The following CHRNA3 variants were observed in gnomAD, a reference collection of about 807,000 sequenced individuals.
CHRNA3 encodes neuronal acetylcholine receptor subunit alpha-3.
Under a neutral mutation model 41.9 loss-of-function variants are expected in CHRNA3, and 34 were observed. The observed-to-expected ratio is 0.81, with a 90% CI of 0.62 to 1.08. The LOEUF (loss-of-function observed/expected upper bound fraction) is 1.08, where lower values mean the gene tolerates loss of function less well. Among genes scored for constraint, CHRNA3 ranks in the 50% least tolerant of loss-of-function variants. The probability of loss-of-function intolerance (pLI) is 0.00; values close to 1 mark genes in which losing one functional copy is unlikely to be tolerated. For synonymous variants in CHRNA3, 281 were observed against 265.2 expected (o/e 1.06, Z -0.58); for missense variants, 542 against 638.3 (o/e 0.85, Z 1.63).
chr15:78,601,886 G>A lies in CHRNA3; in HGVS notation c.756C>T (p.Cys252=). The A allele has an allele frequency of 6.2e-7, 1 of 1,614,148 alleles. No homozygotes were observed. Among genetic ancestry groups the A allele is most frequent in the Non-Finnish European group, 8.5e-7 (1 of 1,180,032 alleles). ...GCACAGTGAGGAAGGAGATGAGCAG[G>A]CAGGGGATGATGAGGTTGATGGTGT... The part of the protein sequence containing the change: ...LFYTINLIIP[C]LLISFLTVLV... The change falls in exon 5 of 6, where the codon TGC becomes TGT. Residue 252 remains cysteine (C), a synonymous_variant. Coordinates refer to ENST00000326828, the MANE Select transcript of CHRNA3 (RefSeq NM_000743.5).
downstream of CHRNA3, chr15:78,594,221 T>A (rs1318770782): frequency 6.6e-6 from 1 of 152,180 alleles, no homozygotes; most frequent in Non-Finnish European, 1.5e-5. Flanking sequence ...AGTAGACAAC[T>A]CCTGTGGACA....
chr15:78,611,259 C>T (rs2053375352), intron 4 of CHRNA3, among the ~76,000 whole-genome samples: 1 of 152,136 alleles, frequency 6.6e-6, no homozygotes, highest in Non-Finnish European at 1.5e-5. Flanking sequence ...CTGGCAGAGA[C>T]ACAACCAAAA....
At chr15:78,600,234 C>T (rs1485138204) in intron 5 of CHRNA3, among the ~76,000 whole-genome samples, 1 of 152,076 alleles carries the variant, frequency 6.6e-6, no homozygotes, top group African/African-American at 2.4e-5. Context: ...GCCACCACGC[C>T]TGGCTAATTT....
chr15:78,601,526 GA>G lies in CHRNA3; in HGVS notation c.1115del (p.Leu372ProfsTer9), dbSNP rs1322278603. 6.8e-6 allele frequency: 11 copies of G among 1,614,088 alleles called. No individual in the cohort carries two copies. The highest frequency in any genetic ancestry group is 1.3e-5 in the African/African-American group (1 of 74,934). ...TCAGATTTGAGAGCTCGGCACCGTA[GA>G]GGGGCCTCGGCTTCTGAGCGTTGCC... ...NEGNAQKPRPLYGAELSNLNC... is the reference protein window; with the variant it reads ...NEGNAQKPRPXYGAELSNLNC... On this transcript the variant is annotated frameshift_variant, in exon 5 of 6. Transcript: ENST00000326828. LOFTEE classifies it high-confidence loss of function.
rs980008832 is a variant in CHRNA3, at chr15:78,596,137, C to G, written c.*467G>C. On this transcript the variant is annotated 3_prime_UTR_variant, in exon 6 of 6. Coordinates refer to ENST00000326828, the MANE Select transcript of CHRNA3 (RefSeq NM_000743.5). ...ATAGCCCTTTAGACCCAGTAAAGAA[C>G]GAGAAATGCATGGTAAGAAATGGGT... 2.0e-6 allele frequency: 2 copies of G among 985,552 alleles called. No individual in the cohort carries two copies. Among genetic ancestry groups the G allele is most frequent in the East Asian group, 1.1e-4 (1 of 8,800 alleles). The allele number at this position is 985,552 out of a possible 1,614,324, so 61.1% of individuals were successfully genotyped here.
intron 4 of CHRNA3, among the ~76,000 whole-genome samples, chr15:78,613,785 AC>A (rs71148546): frequency 0.15 from 21,958 of 147,708 alleles, 3,891 homozygotes; most frequent in African/African-American, 0.42. Context: ...ACCAAAAAAA[AC>A]CACAAAAAAA....
intron 3 of CHRNA3, among the ~76,000 whole-genome samples, chr15:78,617,961 T>C (rs1024549079): frequency 3.3e-5 from 5 of 152,210 alleles, no homozygotes; most frequent in Non-Finnish European, 7.3e-5. Context: ...AGAATGAGTA[T>C]AGGGGCTGTG....
intron 5 of CHRNA3, among the ~76,000 whole-genome samples, chr15:78,600,217 G>A (rs1332329964): frequency 6.6e-6 from 1 of 152,132 alleles, no homozygotes. Flanking sequence ...TGGAACTACA[G>A]GCACGTGCCA....
rs2141325157 is a variant in CHRNA3, at chr15:78,601,456, G to A, written c.1186C>T (p.Pro396Ser). 1.2e-6 allele frequency: 2 copies of A among 1,614,104 alleles called. No individual in the cohort carries two copies. The highest frequency in any genetic ancestry group is 1.3e-5 in the African/African-American group (1 of 75,006). The stretch of plus-strand genomic sequence containing the variant: ...TAACCACACATCCCGTCCTGGCAGG[G>A]GTAGCCCTCCTTGCAGCCTTTGGAC... ...AESKGCKEGY[P>S]CQDGMCGYCH... is the part of the protein sequence containing the mutation. Residue 396 changes from proline to serine, a missense_variant, in exon 5 of 6, where the codon CCC becomes TCC. Transcript: ENST00000326828.
chr15:78,599,216 G>A (rs1198878659), intron 5 of CHRNA3, among the ~76,000 whole-genome samples: 4 of 152,132 alleles, frequency 2.6e-5, no homozygotes, highest in Admixed American at 2.6e-4. Flanking sequence ...GGGCTCAAGT[G>A]ATCCTCCTGC....
At chr15:78,603,773 C>T (rs1263851962) in intron 4 of CHRNA3, among the ~76,000 whole-genome samples, 1 of 152,172 alleles carries the variant, frequency 6.6e-6, no homozygotes, top group Non-Finnish European at 1.5e-5. Flanking sequence ...CTCTGGTTGG[C>T]TAGTTTGCCC....
At chr15:78,603,642 G>A (rs540951773) in intron 4 of CHRNA3, among the ~76,000 whole-genome samples, 44 of 152,172 alleles carry the variant, frequency 2.9e-4, no homozygotes, top group Non-Finnish European at 5.4e-4. Context: ...ATGGGAACCT[G>A]TGAAAACAGA....
At chr15:78,597,679 A>G (rs1304855206) in intron 5 of CHRNA3, among the ~76,000 whole-genome samples, 1 of 152,196 alleles carries the variant, frequency 6.6e-6, no homozygotes, top group African/African-American at 2.4e-5. Context: ...GACCAATTGT[A>G]TATAATACAG....
At chr15:78,606,186 CGTG>C (rs1010579993) in intron 4 of CHRNA3, among the ~76,000 whole-genome samples, 2 of 151,594 alleles carry the variant, frequency 1.3e-5, no homozygotes, top group African/African-American at 2.4e-5. Context: ...TTTAGCTAGG[CGTG>C]GTGGCAGTCA....
At chr15:78,609,836 T>C (rs1468778737) in intron 4 of CHRNA3, among the ~76,000 whole-genome samples, 3 of 151,984 alleles carry the variant, frequency 2.0e-5, no homozygotes, top group East Asian at 3.9e-4. Flanking sequence ...GGAAACCCAT[T>C]TCACACGCAG....
downstream of CHRNA3, chr15:78,593,456 T>A (rs201239275): frequency 6.2e-5 from 26 of 421,732 alleles, no homozygotes; most frequent in African/African-American, 4.3e-4. Flanking sequence ...ATACATTTGA[T>A]CTTGTAAAAA....
In CHRNA3 at chr15:78,601,780, G is replaced by A; in HGVS notation, c.862C>T (p.Leu288=). ...GAAGGGATGGTCTCAGTGATCACCA[G>A]GAGAAACACCGTCAGGGAGAGGAGG... ...SVLLSLTVFL[L]VITETIPSTS... The change falls in exon 5 of 6, where the codon CTG becomes TTG. Residue 288 remains leucine, a synonymous_variant. Transcript: ENST00000326828. 6.2e-7 allele frequency: 1 copy of A among 1,614,142 alleles called. No individual in the cohort carries two copies.
At chr15:78,618,334 G>T (rs987263689) in intron 3 of CHRNA3, 1 of 435,538 alleles carries the variant, frequency 2.3e-6, no homozygotes, top group Non-Finnish European at 4.2e-6. Flanking sequence ...TCAATCTCAG[G>T]TTCGTACTCT....
At chr15:78,594,652 T>TC (rs1347454600), downstream of CHRNA3, 1 of 152,244 alleles carries the variant, frequency 6.6e-6, no homozygotes, top group Non-Finnish European at 1.5e-5. Context: ...CACTCCAGCC[T>TC]GGCAACAAGA....
Sources: allele counts gnomAD v4.1 joint callset (sites outside exome capture counted in the v4.1 genomes callset), GRCh38; gene constraint gnomAD v4.1.1; transcripts MANE v1.5; gene names NCBI Gene and HGNC (gene_info 2026-07-23, HGNC 2026-07-21).